The following ARPC1A variants were observed in gnomAD, a reference collection of about 807,000 sequenced individuals.
ARPC1A encodes the protein actin related protein 2/3 complex subunit 1A.
Under a neutral mutation model 46.9 loss-of-function variants are expected in ARPC1A, and 8 were observed. The ratio of observed to expected loss-of-function variants is 0.17; its 90% confidence interval spans 0.10 to 0.31. The LOEUF is 0.31. Ranked by LOEUF, ARPC1A falls within the 10% of genes least tolerant of loss-of-function variation. The probability of loss-of-function intolerance (pLI) is 1.00; values close to 1 mark genes in which losing one functional copy is unlikely to be tolerated. For synonymous variants in ARPC1A, 152 were observed against 169.0 expected (o/e 0.90, Z 0.78); for missense variants, 286 against 483.6 (o/e 0.59, Z 3.83).
intron 8 of ARPC1A, chr7:99,360,055 T>G: frequency 2.4e-6 from 1 of 413,226 alleles, no homozygotes; most frequent in South Asian, 2.6e-5. Flanking sequence ...AGGGTACCCT[T>G]TCTCAGCTAC....
chr7:99,359,473 T>G, intron 7 of ARPC1A, 72 bp from the exon 8 acceptor site: 9 of 1,400,076 alleles, frequency 6.4e-6, no homozygotes, highest in East Asian at 2.3e-5. Context: ...AGGCCTGTCG[T>G]GGTGAACACT....
intron 5 of ARPC1A, among the ~76,000 whole-genome samples, chr7:99,350,424 C>G (rs1562800670): frequency 1.3e-5 from 2 of 152,200 alleles, no homozygotes; most frequent in African/African-American, 4.8e-5. Context: ...TCAGTTAAAG[C>G]TTTTTATTTT....
At chr7:99,356,326 C>G (rs568945808) in intron 6 of ARPC1A, among the ~76,000 whole-genome samples, 1 of 151,994 alleles carries the variant, frequency 6.6e-6, no homozygotes, top group Non-Finnish European at 1.5e-5. Flanking sequence ...CCCCTCAGGC[C>G]GGGTGCAGTG....
intron 1 of ARPC1A, among the ~76,000 whole-genome samples, chr7:99,329,170 G>A (rs994570318): frequency 2.0e-5 from 3 of 151,852 alleles, no homozygotes; most frequent in African/African-American, 4.8e-5. Context: ...GTGTGGTGGC[G>A]GGCCCCTGTA....
At chr7:99,340,730 C>T (rs1793345083) in intron 3 of ARPC1A, among the ~76,000 whole-genome samples, 1 of 152,188 alleles carries the variant, frequency 6.6e-6, no homozygotes, top group Non-Finnish European at 1.5e-5. Context: ...TATCCTTACC[C>T]AAATGAGAGA....
At chr7:99,330,851 T>C (rs150151698) in intron 1 of ARPC1A, among the ~76,000 whole-genome samples, 223 of 152,212 alleles carry the variant, frequency 1.5e-3, no homozygotes, top group African/African-American at 5.0e-3. Flanking sequence ...AATGATAAAG[T>C]TGGGGGTAGA....
At chr7:99,352,077 T>A (rs1489761372) in intron 5 of ARPC1A, among the ~76,000 whole-genome samples, 1 of 152,158 alleles carries the variant, frequency 6.6e-6, no homozygotes, top group Non-Finnish European at 1.5e-5. Flanking sequence ...TCTTGGGGTA[T>A]GTCTTTAAAA....
intron 1 of ARPC1A, among the ~76,000 whole-genome samples, chr7:99,332,400 G>A (rs996170552): frequency 6.6e-6 from 1 of 152,142 alleles, no homozygotes; most frequent in East Asian, 1.9e-4. Context: ...TGGTGATTAC[G>A]TGGTGATTGC....
Position 99,366,007 on chromosome 7 carries a change from C to A in ARPC1A, c.*78C>A. 1 of 1,484,256 alleles carries A rather than the reference C, an allele frequency of 6.7e-7. No individual in the cohort carries two copies. The highest frequency in any genetic ancestry group is 9.2e-7 in the Non-Finnish European group (1 of 1,089,598). The allele number at this position is 1,484,256 out of a possible 1,614,324, so 91.9% of individuals were successfully genotyped here. On this transcript the variant is annotated 3_prime_UTR_variant, in exon 10 of 10. Transcript: ENST00000262942. Reference sequence around the variant, plus strand: ...GTGCCGTGGCACGATGGCGAGGAAGCCAGCCCCAAGGAAACACTGAAAACA... The same window carrying A: ...GTGCCGTGGCACGATGGCGAGGAAGACAGCCCCAAGGAAACACTGAAAACA...
chr7:99,364,013 G>A lies in ARPC1A; in HGVS notation c.1074+380G>A, dbSNP rs79337929. On this transcript the variant is annotated intron_variant, in intron 9 of 9. Coordinates refer to ENST00000262942, the MANE Select transcript of ARPC1A (RefSeq NM_006409.4). ...TCTGTCACCCAGGCTGCAGTGCAGCGGTGCAATATTGGCTCACTGCAACCT... is the reference window on the plus strand; with the variant it reads ...TCTGTCACCCAGGCTGCAGTGCAGCAGTGCAATATTGGCTCACTGCAACCT... 8.2e-3 allele frequency among the ~76,000 whole-genome samples: 1,244 copies of A among 152,106 alleles called. 18 individuals are homozygous for A. The highest frequency in any genetic ancestry group is 0.027 in the African/African-American group (1,100 of 41,488).
At chr7:99,340,202 G>A (rs551894636) in intron 3 of ARPC1A, among the ~76,000 whole-genome samples, 100 of 152,014 alleles carry the variant, frequency 6.6e-4, no homozygotes, top group Middle Eastern at 3.4e-3. Flanking sequence ...TCATTCTGTC[G>A]TCTAGGCTGA....
rs746475846 is a variant in ARPC1A, at chr7:99,358,427, T to G, written c.789+12T>G. The stretch of plus-strand genomic sequence containing the variant: ...GCGTCGTGGCTGCTGTGAGTATTTT[T>G]CTTCATTCTCCCTCGGGGTGCACTG... On this transcript the variant is annotated intron_variant, in intron 7 of 9. Transcript: ENST00000262942. 45 of 1,612,064 alleles carry G rather than the reference T, an allele frequency of 2.8e-5. No homozygotes were observed. Among genetic ancestry groups the G allele is most frequent in the Non-Finnish European group, 3.7e-5 (44 of 1,178,240 alleles).
chr7:99,341,579 A>G (rs2150863882), intron 3 of ARPC1A, among the ~76,000 whole-genome samples: 1 of 150,710 alleles, frequency 6.6e-6, no homozygotes, highest in East Asian at 1.9e-4. Flanking sequence ...ATTGCACGCC[A>G]GCCTGGACAA....
chr7:99,364,439 A>C (rs566326891), intron 9 of ARPC1A, among the ~76,000 whole-genome samples: 1 of 151,280 alleles, frequency 6.6e-6, no homozygotes, highest in Admixed American at 6.6e-5. Context: ...CGCCCAGCTA[A>C]TTTTGTGTTT....
At chr7:99,358,198 G>A (rs1260626301) in intron 6 of ARPC1A, 142 bp from the exon 7 acceptor site, 1 of 751,448 alleles carries the variant, frequency 1.3e-6, no homozygotes, top group Non-Finnish European at 2.2e-6. Flanking sequence ...CCTGCAAGTT[G>A]AGGTCAGGGG....
intron 3 of ARPC1A, among the ~76,000 whole-genome samples, chr7:99,338,572 A>T (rs2150862290): frequency 6.6e-6 from 1 of 151,678 alleles, no homozygotes; most frequent in Middle Eastern, 3.4e-3. Flanking sequence ...TTTTTAGTAG[A>T]GATAGGTTTC....
In ARPC1A at chr7:99,336,982, T is replaced by TA. The variant is rs372567355; in HGVS notation, c.65-1189dup. ...ACTAAAAATAAAAATTAAATTCAAT[T>TA]AAAAAAAAAACAGATGAACTAGATG... On this transcript the variant is annotated intron_variant, in intron 2 of 9. Transcript: ENST00000262942. 2.3e-4 allele frequency among the ~76,000 whole-genome samples: 34 copies of TA among 146,024 alleles called. No homozygotes were observed. In the East Asian group the frequency reaches 4.4e-3, roughly 19 times the overall value.
At chr7:99,332,761 C>T in intron 1 of ARPC1A, among the ~76,000 whole-genome samples, 1 of 140,788 alleles carries the variant, frequency 7.1e-6, no homozygotes, top group African/African-American at 2.5e-5. Flanking sequence ...GCTACCATGC[C>T]CGGCTAATTT....
chr7:99,329,022 AG>A (rs1362445333), intron 1 of ARPC1A, among the ~76,000 whole-genome samples: 1 of 151,236 alleles, frequency 6.6e-6, no homozygotes, highest in Admixed American at 6.6e-5. Flanking sequence ...GATGAGGGGC[AG>A]GGCGCGGTGG....
Sources: allele counts gnomAD v4.1 joint callset (sites outside exome capture counted in the v4.1 genomes callset), GRCh38; gene constraint gnomAD v4.1.1; transcripts MANE v1.5; gene names NCBI Gene and HGNC (gene_info 2026-07-23, HGNC 2026-07-21).